Variants in JAM3 observed in about 807,000 individuals in gnomAD.
The protein encoded by JAM3 is junctional adhesion molecule C.
In JAM3, 31 loss-of-function variants were observed where a neutral mutation model predicts 39.4. The observed-to-expected ratio is 0.79, with a 90% CI of 0.59 to 1.06. The LOEUF (loss-of-function observed/expected upper bound fraction) is 1.06. Among genes scored for constraint, JAM3 ranks in the 50% least tolerant of loss-of-function variants. The pLI is 0.00. For missense variants in JAM3, 455 were observed against 391.4 expected (o/e 1.16, Z -1.37); for synonymous variants, 182 against 148.7 (o/e 1.22, Z -1.63).
At chr11:134,136,687 T>G (rs371056867) in intron 1 of JAM3, among the ~76,000 whole-genome samples, 2 of 152,318 alleles carry the variant, frequency 1.3e-5, no homozygotes, top group South Asian at 4.1e-4. Context: ...ATATACTGCC[T>G]TCTAGGATTG....
At chr11:134,112,471 CTA>C (rs1183789146) in intron 1 of JAM3, among the ~76,000 whole-genome samples, 1 of 152,142 alleles carries the variant, frequency 6.6e-6, no homozygotes, top group East Asian at 1.9e-4. Context: ...AATGAAACTA[CTA>C]TGTGTGTGTG....
intron 1 of JAM3, among the ~76,000 whole-genome samples, chr11:134,127,570 C>A (rs1942673707): frequency 6.6e-6 from 1 of 152,162 alleles, no homozygotes; most frequent in Non-Finnish European, 1.5e-5. Flanking sequence ...CGTGGTGGCA[C>A]ATGTCTGTAG....
At chr11:134,125,823 TTTG>T (rs1479966599) in intron 1 of JAM3, among the ~76,000 whole-genome samples, 2 of 152,204 alleles carry the variant, frequency 1.3e-5, no homozygotes, top group Non-Finnish European at 1.5e-5. Context: ...CAGTGTCTGC[TTTG>T]TTTTTTCTCT....
At chr11:134,117,788 G>C (rs900346267) in intron 1 of JAM3, among the ~76,000 whole-genome samples, 20 of 152,092 alleles carry the variant, frequency 1.3e-4, no homozygotes, top group Non-Finnish European at 1.9e-4. Context: ...TTCGGTTCCT[G>C]AAGTAGCTCA....
chr11:134,139,687 A>G (rs1591805412), intron 1 of JAM3, 164 bp from the exon 2 acceptor site: 4 of 656,240 alleles, frequency 6.1e-6, no homozygotes, highest in East Asian at 2.8e-5. Context: ...TGAGAGAGAA[A>G]GCAGTTAACT....
intron 1 of JAM3, among the ~76,000 whole-genome samples, chr11:134,130,522 A>C (rs943816124): frequency 2.0e-5 from 3 of 152,194 alleles, no homozygotes; most frequent in African/African-American, 7.2e-5. Context: ...GCTCCTGTTC[A>C]CCAGCAGAAA....
chr11:134,128,007 A>T (rs1942684971), intron 1 of JAM3, among the ~76,000 whole-genome samples: 1 of 152,172 alleles, frequency 6.6e-6, no homozygotes, highest in African/African-American at 2.4e-5. Context: ...CCCACTATGA[A>T]TCAAACAGTG....
At position 134,083,271 on chromosome 11, in the gene JAM3, A is replaced by G. The variant is rs551417483; in HGVS notation, c.76+14112A>G. Among the ~76,000 whole-genome samples, 24 of 152,296 alleles carry G rather than the reference A, an allele frequency of 1.6e-4. 1 individual carries two copies. The East Asian group carries it at 3.9e-3, about 24-fold the overall frequency. On this transcript the variant is annotated intron_variant, in intron 1 of 8. Transcript: ENST00000299106. Reference sequence around the variant, plus strand: ...CCTCTGTCATCTACCTCCGGTGTCCATTTACAGCAGATCGCTCCCTCCCTT... The same window carrying G: ...CCTCTGTCATCTACCTCCGGTGTCCGTTTACAGCAGATCGCTCCCTCCCTT...
intron 1 of JAM3, among the ~76,000 whole-genome samples, chr11:134,095,558 G>C (rs1941963723): frequency 6.6e-6 from 1 of 151,934 alleles, no homozygotes; most frequent in Non-Finnish European, 1.5e-5. Flanking sequence ...TTGAACCTGG[G>C]AGTCGGAGGT....
At chr11:134,123,889 C>T (rs1299839614) in intron 1 of JAM3, 2 of 948,274 alleles carry the variant, frequency 2.1e-6, no homozygotes, top group African/African-American at 1.6e-5. Context: ...CAGTATTTCT[C>T]CAAGTAAAGC....
chr11:134,139,858 G>A lies in JAM3; in HGVS notation c.84G>A (p.Leu28=), dbSNP rs779552715. ...CTTTTCTTTCTCCTTCAGGCTGCCT[G>A]ATAGGGGCTGTAAATCTCAAATCCA... ...FFLLLLFRGC[L]IGAVNLKSSN... The change falls in exon 2 of 9, where the codon CTG becomes CTA. Residue 28 remains leucine, a synonymous_variant. Coordinates refer to ENST00000299106, the MANE Select transcript of JAM3 (RefSeq NM_032801.5). The A allele has an allele frequency of 1.2e-6, 2 of 1,613,770 alleles. No individual in the cohort carries two copies. Among genetic ancestry groups the A allele is most frequent in the South Asian group, 1.1e-5 (1 of 91,092 alleles).
chr11:134,070,890 C>T (rs551908113), intron 1 of JAM3, among the ~76,000 whole-genome samples: 24 of 152,068 alleles, frequency 1.6e-4, no homozygotes, highest in Non-Finnish European at 3.4e-4. Context: ...ACATGCAGAG[C>T]GTAGGAGGAA....
chr11:134,077,882 C>G (rs1172624686), intron 1 of JAM3, among the ~76,000 whole-genome samples: 1 of 151,810 alleles, frequency 6.6e-6, no homozygotes. Flanking sequence ...GAACTCCTGA[C>G]CACAGGTGAT....
At chr11:134,074,914 T>C (rs74370425) in intron 1 of JAM3, among the ~76,000 whole-genome samples, 1,539 of 151,566 alleles carry the variant, frequency 0.01, 30 homozygotes, top group African/African-American at 0.035. Context: ...CTAAGGAAAA[T>C]ATTTAATGTC....
chr11:134,084,352 C>T (rs1036860967), intron 1 of JAM3, among the ~76,000 whole-genome samples: 8 of 152,154 alleles, frequency 5.3e-5, no homozygotes, highest in African/African-American at 1.9e-4. Context: ...ATCTCATCTC[C>T]GCTATGTGAT....
intron 1 of JAM3, among the ~76,000 whole-genome samples, chr11:134,121,634 A>T (rs1174607218): frequency 6.6e-6 from 1 of 152,242 alleles, no homozygotes. Flanking sequence ...AAAGAAAAAG[A>T]TTCCTTTAAT....
intron 1 of JAM3, among the ~76,000 whole-genome samples, chr11:134,133,893 G>A (rs972018184): frequency 5.9e-5 from 9 of 152,180 alleles, no homozygotes; most frequent in African/African-American, 2.2e-4. Flanking sequence ...AAAACAGTTT[G>A]AGGAAATGGA....
In JAM3 at chr11:134,149,394, C is replaced by G; in HGVS notation, c.*213C>G. The G allele has an allele frequency of 1.6e-6, 1 of 631,562 alleles. No homozygotes were observed. The highest frequency in any genetic ancestry group is 2.8e-6 in the Non-Finnish European group (1 of 355,856). The allele number at this position is 631,562 out of a possible 1,614,324, so 39.1% of individuals were successfully genotyped here. On this transcript the variant is annotated 3_prime_UTR_variant, in exon 9 of 9. Transcript: ENST00000299106. Reference sequence around the variant, plus strand: ...TCAAGATGGACCCGGTAAATATAACCACAAGGAAGCGAAACTGGGTGCGTT... The same window carrying G: ...TCAAGATGGACCCGGTAAATATAACGACAAGGAAGCGAAACTGGGTGCGTT...
At chr11:134,109,805 A>C (rs1942276335) in intron 1 of JAM3, among the ~76,000 whole-genome samples, 1 of 152,238 alleles carries the variant, frequency 6.6e-6, no homozygotes, top group Admixed American at 6.5e-5. Flanking sequence ...GTAAATAAAT[A>C]CTTTACATAA....
Sources: allele counts gnomAD v4.1 joint callset (sites outside exome capture counted in the v4.1 genomes callset), GRCh38; gene constraint gnomAD v4.1.1; transcripts MANE v1.5; gene names NCBI Gene and HGNC (gene_info 2026-07-23, HGNC 2026-07-21).